The following CLMP variants were observed in gnomAD, a reference collection of about 807,000 sequenced individuals.
CLMP encodes the protein CXADR-like membrane protein.
In CLMP, 27 loss-of-function variants were observed where a neutral mutation model predicts 45.2. The ratio of observed to expected loss-of-function variants is 0.60; its 90% CI spans 0.44 to 0.82. The LOEUF (loss-of-function observed/expected upper bound fraction) is 0.82. Among genes scored for constraint, CLMP ranks in the 40% least tolerant of loss-of-function variants. The probability of loss-of-function intolerance (pLI) is 0.00; values close to 1 mark genes in which losing one functional copy is unlikely to be tolerated. For missense variants in CLMP, 403 were observed against 448.4 expected (o/e 0.90, Z 0.91); for synonymous variants, 167 against 171.4 (o/e 0.97, Z 0.20).
At chr11:123,089,969 A>G (rs1334627150) in intron 2 of CLMP, among the ~76,000 whole-genome samples, 1 of 143,034 alleles carries the variant, frequency 7.0e-6, no homozygotes, top group South Asian at 2.3e-4. Flanking sequence ...GTGGTGGTGC[A>G]TGCCTGTAAT....
Position 123,117,537 on chromosome 11 carries a change from C to A in CLMP, c.29-19585G>T, listed in dbSNP as rs542257716. On this transcript the variant is annotated intron_variant, in intron 1 of 6. Transcript: ENST00000448775. The stretch of plus-strand genomic sequence containing the variant: ...TGCCTCCTGAGTTCAAGCAATTCTC[C>A]TGCTTCAGCCTCCCAAGTAGCTGGG... 2.0e-5 allele frequency among the ~76,000 whole-genome samples: 3 copies of A among 152,250 alleles called. No homozygotes were observed. The South Asian group carries it at 6.2e-4, about 32-fold the overall frequency.
At chr11:123,181,925 G>A (rs772255833) in intron 1 of CLMP, among the ~76,000 whole-genome samples, 11 of 152,114 alleles carry the variant, frequency 7.2e-5, no homozygotes, top group Non-Finnish European at 1.6e-4. Context: ...CCTCCCCTGG[G>A]CTGCCCTTAT....
chr11:123,187,496 A>G (rs1333832774), intron 1 of CLMP, among the ~76,000 whole-genome samples: 1 of 152,206 alleles, frequency 6.6e-6, no homozygotes, highest in Admixed American at 6.5e-5. Flanking sequence ...TCCCCTACCA[A>G]GAAAAGAAGT....
intron 1 of CLMP, among the ~76,000 whole-genome samples, chr11:123,141,750 A>G (rs938509663): frequency 2.0e-5 from 3 of 151,378 alleles, no homozygotes; most frequent in African/African-American, 7.2e-5. Flanking sequence ...TATAAACTTA[A>G]TTAATTTATT....
chr11:123,122,305 CAGGT>C (rs2135501050), intron 1 of CLMP, among the ~76,000 whole-genome samples: 1 of 152,292 alleles, frequency 6.6e-6, no homozygotes, highest in East Asian at 1.9e-4. Flanking sequence ...GCCACTGTGC[CAGGT>C]ACTCTGCTCC....
At chr11:123,178,530 A>G (rs1024164275) in intron 1 of CLMP, among the ~76,000 whole-genome samples, 4 of 152,212 alleles carry the variant, frequency 2.6e-5, no homozygotes, top group Admixed American at 6.5e-5. Flanking sequence ...TTGCTCATCT[A>G]TAAAATGGAG....
chr11:123,123,663 C>T (rs1000439092), intron 1 of CLMP, among the ~76,000 whole-genome samples: 1 of 152,056 alleles, frequency 6.6e-6, no homozygotes, highest in South Asian at 2.1e-4. Context: ...TCAGGGAACC[C>T]GCAATGAGAC....
chr11:123,124,387 C>T (rs928109540), intron 1 of CLMP, among the ~76,000 whole-genome samples: 2 of 152,098 alleles, frequency 1.3e-5, no homozygotes, highest in Non-Finnish European at 2.9e-5. Context: ...TCTATTTCAC[C>T]CCTACCCCAC....
chr11:123,170,605 A>AATTTTTGGT (rs1455679305), intron 1 of CLMP, among the ~76,000 whole-genome samples: 1 of 151,850 alleles, frequency 6.6e-6, no homozygotes, highest in Non-Finnish European at 1.5e-5. Flanking sequence ...ACATCTGGCT[A>AATTTTTGGT]ATTTTTGGTA....
intron 1 of CLMP, among the ~76,000 whole-genome samples, chr11:123,141,089 C>T (rs951641026): frequency 1.3e-5 from 2 of 151,736 alleles, no homozygotes; most frequent in African/African-American, 4.8e-5. Context: ...AAGCAGATGC[C>T]TAGCACTGTG....
At chr11:123,108,221 TGA>T (rs1234478817) in intron 1 of CLMP, among the ~76,000 whole-genome samples, 2 of 152,190 alleles carry the variant, frequency 1.3e-5, no homozygotes, top group Non-Finnish European at 2.9e-5. Context: ...ACTCCTTTTA[TGA>T]GAGTCTTCAG....
chr11:123,155,087 C>T (rs1861394457), intron 1 of CLMP, among the ~76,000 whole-genome samples: 1 of 152,180 alleles, frequency 6.6e-6, no homozygotes, highest in Admixed American at 6.5e-5. Flanking sequence ...CTTCTGGGCT[C>T]AAGTGATCGT....
chr11:123,122,161 A>T (rs920151870), intron 1 of CLMP, among the ~76,000 whole-genome samples: 13 of 152,100 alleles, frequency 8.5e-5, no homozygotes, highest in African/African-American at 3.1e-4. Flanking sequence ...TAGACTATAG[A>T]CATTTTCTCT....
rs756417647 is a variant in CLMP at position 123,083,751 on chromosome 11, A to G, written c.485T>C (p.Ile162Thr). The G allele has an allele frequency of 6.2e-7, 1 of 1,614,074 alleles. No individual in the cohort carries two copies. The highest frequency in any genetic ancestry group is 8.5e-7 in the Non-Finnish European group (1 of 1,180,018). The change falls in exon 4 of 7, where the codon ATT becomes ACT. Residue 162 changes from isoleucine (I) to threonine (T), a missense_variant. Transcript: ENST00000448775. ...TCGGATTCGCTGCCAGTAATACACA[A>G]TGGGCTCTGTGCCAGAGGATGACTC... ...QCESSSGTEP[I>T]VYYWQRIREK...
At chr11:123,193,940 T>C (rs7941947) in intron 1 of CLMP, among the ~76,000 whole-genome samples, 111,237 of 152,030 alleles carry the variant, frequency 0.73, 41,194 homozygotes, top group African/African-American at 0.85. Flanking sequence ...GCTCTTTGAT[T>C]TTCTGATCTC....
At chr11:123,151,201 T>C (rs1481485842) in intron 1 of CLMP, among the ~76,000 whole-genome samples, 1 of 152,242 alleles carries the variant, frequency 6.6e-6, no homozygotes, top group Non-Finnish European at 1.5e-5. Flanking sequence ...AGGGAACCAT[T>C]GGTTTCTACC....
Position 123,079,707 on chromosome 11 carries a change from A to G in CLMP, c.679+3378T>C, listed in dbSNP as rs374534543. Among the ~76,000 whole-genome samples the G allele has an allele frequency of 5.9e-5, 9 of 152,270 alleles. No homozygotes were observed. In the East Asian group the frequency reaches 1.7e-3, roughly 29 times the overall value. Reference sequence around the variant, plus strand: ...TGATCCGCCCGCCTCGACCTCCCAAAGTGCTGGGATTACAGGCGTGAGCCA... The same window carrying G: ...TGATCCGCCCGCCTCGACCTCCCAAGGTGCTGGGATTACAGGCGTGAGCCA... On this transcript the variant is annotated intron_variant, in intron 5 of 6. Coordinates refer to ENST00000448775, the MANE Select transcript of CLMP (RefSeq NM_024769.5).
intron 1 of CLMP, among the ~76,000 whole-genome samples, chr11:123,098,983 G>A (rs1454113711): frequency 6.6e-6 from 1 of 152,020 alleles, no homozygotes; most frequent in Admixed American, 6.6e-5. Flanking sequence ...GTGAGCCACC[G>A]CGTCCGGCCG....
chr11:123,176,376 T>C (rs1191806158), intron 1 of CLMP, among the ~76,000 whole-genome samples: 3 of 152,206 alleles, frequency 2.0e-5, no homozygotes, highest in Admixed American at 2.0e-4. Flanking sequence ...AAATCACACT[T>C]TGATGTATAA....
Sources: allele counts gnomAD v4.1 joint callset (sites outside exome capture counted in the v4.1 genomes callset), GRCh38; gene constraint gnomAD v4.1.1; transcripts MANE v1.5; gene names NCBI Gene and HGNC (gene_info 2026-07-23, HGNC 2026-07-21).